The following FHAD1 variants were observed in gnomAD, a reference collection of about 807,000 sequenced individuals.
FHAD1 encodes the protein forkhead associated phosphopeptide binding domain 1, also known as forkhead-associated domain-containing protein 1.
FHAD1 carries 146 observed loss-of-function variants against 191.3 expected under a neutral mutation model. That is an observed-to-expected ratio of 0.76 (90% CI 0.67 to 0.88). FHAD1 has a LOEUF of 0.88. Ranked by LOEUF, FHAD1 falls within the 40% of genes least tolerant of loss-of-function variation. FHAD1 has a pLI of 0.00. For synonymous variants in FHAD1, 616 were observed against 672.3 expected (o/e 0.92, Z 1.29); for missense variants, 1,635 against 1,785.8 (o/e 0.92, Z 1.52).
At chr1:15,317,643 T>C (rs1674917791) in intron 9 of FHAD1, among the ~76,000 whole-genome samples, 181 bp from the exon 10 acceptor site, 1 of 152,144 alleles carries the variant, frequency 6.6e-6, no homozygotes, top group South Asian at 2.1e-4. Flanking sequence ...AAAAATAAAG[T>C]CTATTTTGCT....
At chr1:15,368,528 A>G (rs887580910) in intron 25 of FHAD1, among the ~76,000 whole-genome samples, 1 of 152,200 alleles carries the variant, frequency 6.6e-6, no homozygotes, top group African/African-American at 2.4e-5. Context: ...CACAAAAAAA[A>G]GAGTTTGACT....
At chr1:15,366,284 CAAAAAAA>C (rs35252287) in intron 24 of FHAD1, among the ~76,000 whole-genome samples, 12 of 44,464 alleles carry the variant, frequency 2.7e-4, no homozygotes, top group East Asian at 1.5e-3. Context: ...GACTCTGTCT[CAAAAAAA>C]AAAAAAAAAA....
At chr1:15,331,928 G>T (rs1163899942) in intron 14 of FHAD1, among the ~76,000 whole-genome samples, 3 of 151,846 alleles carry the variant, frequency 2.0e-5, no homozygotes, top group Non-Finnish European at 4.4e-5. Context: ...GCACAGGGCC[G>T]CACCTTAAGG....
Position 15,398,291 on chromosome 1 carries a change from A to AAAAT in FHAD1, c.*879_*882dup, listed in dbSNP as rs1706608786. On this transcript the variant is annotated 3_prime_UTR_variant, in exon 34 of 34. Coordinates refer to ENST00000688493, the MANE Select transcript of FHAD1 (RefSeq NM_001391957.1). ...GACTCCATCTCAAAAAAAAAAAAAAAAAATCTGTTTATTGTAATAAATTTA... is the reference window on the plus strand; with the variant it reads ...GACTCCATCTCAAAAAAAAAAAAAAAAAATAAATCTGTTTATTGTAATAAATTTA... Among the ~76,000 whole-genome samples the AAAAT allele has an allele frequency of 6.6e-6, 1 of 151,906 alleles. No homozygotes were observed. Among genetic ancestry groups the AAAAT allele is most frequent in the African/African-American group, 2.4e-5 (1 of 41,320 alleles).
chr1:15,380,264 A>G (rs900462571), intron 28 of FHAD1, among the ~76,000 whole-genome samples: 4 of 152,062 alleles, frequency 2.6e-5, no homozygotes, highest in South Asian at 2.1e-4. Context: ...AGGGCCCCAC[A>G]ATCTGGCGTG....
In FHAD1 at chr1:15,345,098, A is replaced by C. The variant is rs765547587; in HGVS notation, c.2146A>C (p.Ile716Leu). 6.4e-6 allele frequency: 10 copies of C among 1,551,504 alleles called. No homozygotes were observed. The African/African-American group carries it at 1.1e-4, about 17-fold the overall frequency. The change falls in exon 17 of 34, where the codon ATT becomes CTT. Residue 716 changes from isoleucine (I) to leucine (L), a missense_variant. Physicochemically the swap from Ile to Leu is conservative, Grantham distance 5. Transcript: ENST00000688493. ...TEEKAALEEY[I>L]TQERNRAKET... is the part of the protein sequence containing the mutation. Reference sequence around the variant, plus strand: ...TGGTTTCCAGGCTTTGGAGGAGTACATTACTCAAGAGAGAAACAGAGCGAA... The same window carrying C: ...TGGTTTCCAGGCTTTGGAGGAGTACCTTACTCAAGAGAGAAACAGAGCGAA...
chr1:15,271,138 CGGAAA>C (rs1414777758), intron 2 of FHAD1, among the ~76,000 whole-genome samples: 3,765 of 67,490 alleles, frequency 0.056, 307 homozygotes, highest in African/African-American at 0.23. Context: ...GACTCCATCT[CGGAAA>C]AAAAAAAAAA....
At chr1:15,376,766 T>G (rs1013537143) in intron 28 of FHAD1, among the ~76,000 whole-genome samples, 1 of 152,220 alleles carries the variant, frequency 6.6e-6, no homozygotes, top group Non-Finnish European at 1.5e-5. Context: ...CCAGGTGTGG[T>G]GGCTCACGCC....
intron 33 of FHAD1, among the ~76,000 whole-genome samples, chr1:15,395,409 A>G (rs1454002889): frequency 5.3e-5 from 8 of 151,744 alleles, no homozygotes; most frequent in Non-Finnish European, 1.5e-5. Context: ...TCTCCATGTC[A>G]TTTCTGCCCC....
upstream of FHAD1, among the ~76,000 whole-genome samples, chr1:15,242,231 TAAAAAAAAAAAAA>T (rs36173259): frequency 8.2e-6 from 1 of 122,564 alleles, no homozygotes; most frequent in Non-Finnish European, 1.7e-5. Context: ...AGACTCCATC[TAAAAAAAAAAAAA>T]AAAAAAAAAG....
intron 3 of FHAD1, among the ~76,000 whole-genome samples, chr1:15,284,533 G>A (rs1013365384): frequency 6.6e-6 from 1 of 151,252 alleles, no homozygotes; most frequent in Non-Finnish European, 1.5e-5. Flanking sequence ...TGCTCCAAGG[G>A]CAAGGTCTAC....
At chr1:15,374,869 T>TTTTTG (rs1699166925) in intron 27 of FHAD1, among the ~76,000 whole-genome samples, 1 of 148,478 alleles carries the variant, frequency 6.7e-6, no homozygotes, top group Non-Finnish European at 1.5e-5. Flanking sequence ...TGTTTGTTTT[T>TTTTTG]TTTTTTTGAG....
At chr1:15,273,427 A>C (rs1656969429) in intron 3 of FHAD1, among the ~76,000 whole-genome samples, 1 of 152,200 alleles carries the variant, frequency 6.6e-6, no homozygotes, top group South Asian at 2.1e-4. Flanking sequence ...ATACCTGTGA[A>C]GCCATTGCCA....
chr1:15,340,752 T>C (rs1035086925), intron 15 of FHAD1, among the ~76,000 whole-genome samples: 1 of 152,094 alleles, frequency 6.6e-6, no homozygotes, highest in Admixed American at 6.6e-5. Flanking sequence ...CAACTTTCTC[T>C]GTAAAGGGCC....
At position 15,265,679 on chromosome 1, in the gene FHAD1, A is replaced by C. The variant is rs192564276; in HGVS notation, c.94-6644A>C. On this transcript the variant is annotated intron_variant, in intron 2 of 33. Transcript: ENST00000688493. ...GAACTTATCTCTTTGATGAGTTATTAAGAGTTCATAGGCTGGGTGCGGTGG... is the reference window on the plus strand; with the variant it reads ...GAACTTATCTCTTTGATGAGTTATTCAGAGTTCATAGGCTGGGTGCGGTGG... 1.4e-3 allele frequency among the ~76,000 whole-genome samples: 208 copies of C among 152,230 alleles called. 1 individual carries two copies. Among genetic ancestry groups the C allele is most frequent in the Non-Finnish European group, 2.2e-3 (153 of 68,012 alleles).
intron 3 of FHAD1, among the ~76,000 whole-genome samples, chr1:15,272,989 G>A (rs1203135505): frequency 6.6e-6 from 1 of 152,134 alleles, no homozygotes; most frequent in Non-Finnish European, 1.5e-5. Context: ...CAGTGTCCAA[G>A]TAGACGCTCT....
intron 3 of FHAD1, among the ~76,000 whole-genome samples, chr1:15,282,451 C>T (rs55699571): frequency 0.016 from 2,492 of 152,300 alleles, 74 homozygotes; most frequent in African/African-American, 0.057. Context: ...TTGCCAAACT[C>T]TTGTATCCCT....
At chr1:15,357,004 C>T (rs1362383810) in intron 20 of FHAD1, among the ~76,000 whole-genome samples, 1 of 152,156 alleles carries the variant, frequency 6.6e-6, no homozygotes, top group Non-Finnish European at 1.5e-5. Context: ...GGGGTGGTTT[C>T]TCACTCTTCA....
intron 2 of FHAD1, among the ~76,000 whole-genome samples, chr1:15,252,857 GAAT>G (rs1020898709): frequency 2.5e-4 from 38 of 152,328 alleles, no homozygotes; most frequent in African/African-American, 9.1e-4. Flanking sequence ...GAAAGAAGGA[GAAT>G]AATAATAAAA....
Sources: allele counts gnomAD v4.1 joint callset (sites outside exome capture counted in the v4.1 genomes callset), GRCh38; gene constraint gnomAD v4.1.1; transcripts MANE v1.5; gene names NCBI Gene and HGNC (gene_info 2026-07-23, HGNC 2026-07-21).